The following SNX29 variants were observed in gnomAD, a reference collection of about 807,000 sequenced individuals.
The protein encoded by SNX29 is sorting nexin-29.
In SNX29, 78 loss-of-function variants were observed where a neutral mutation model predicts 102.1. The observed-to-expected ratio is 0.76, with a 90% confidence interval of 0.64 to 0.92. The LOEUF (loss-of-function observed/expected upper bound fraction) is 0.92, where lower values mean the gene tolerates loss of function less well. SNX29 is among the 40% of genes least tolerant of loss of function. The pLI is 0.00. For missense variants in SNX29, 1,280 were observed against 1,061.7 expected, an observed-to-expected ratio of 1.21 and a Z score of -2.86; for synonymous variants, 580 against 414.5, an observed-to-expected ratio of 1.40 and a Z score of -4.85.
rs1006429598 is a variant in SNX29 at position 11,983,344 on chromosome 16, G to A, written c.7+6531G>A. Among the ~76,000 whole-genome samples the A allele has an allele frequency of 3.3e-5, 5 of 150,790 alleles. No homozygotes were observed. The East Asian group carries it at 9.7e-4, about 29-fold the overall frequency. Reference sequence around the variant, plus strand: ...CTGTCTCAACCTTCCAAAGTGCTGAGATTATAGTTGTGAGCCACTGTGCCC... The same window carrying A: ...CTGTCTCAACCTTCCAAAGTGCTGAAATTATAGTTGTGAGCCACTGTGCCC... On this transcript the variant is annotated intron_variant, in intron 1 of 20. Coordinates refer to ENST00000566228, the MANE Select transcript of SNX29 (RefSeq NM_032167.5).
chr16:12,364,416 C>CTTCTTTTTTTTTTT (rs1555520124), intron 16 of SNX29, among the ~76,000 whole-genome samples: 2 of 98,778 alleles, frequency 2.0e-5, no homozygotes, highest in Admixed American at 9.4e-5. Flanking sequence ...CTCTCTTCTT[C>CTTCTTTTTTTTTTT]TTTTTTTTTT....
chr16:12,343,642 C>T (rs1259859246), intron 15 of SNX29, among the ~76,000 whole-genome samples: 1 of 152,080 alleles, frequency 6.6e-6, no homozygotes, highest in African/African-American at 2.4e-5. Context: ...AGTCTTCCTG[C>T]TGTGCCACTG....
intron 14 of SNX29, among the ~76,000 whole-genome samples, chr16:12,259,997 C>T (rs535522763): frequency 5.3e-5 from 8 of 152,304 alleles, no homozygotes; most frequent in East Asian, 3.9e-4. Flanking sequence ...TGCGCGGCCA[C>T]GTTCCTCCAG....
At chr16:12,407,583 G>C (rs1017744880) in intron 18 of SNX29, among the ~76,000 whole-genome samples, 12 of 152,188 alleles carry the variant, frequency 7.9e-5, no homozygotes, top group African/African-American at 2.7e-4. Flanking sequence ...ACAAATACCA[G>C]TATAATAATT....
chr16:12,203,997 C>T (rs2076983196), intron 14 of SNX29, among the ~76,000 whole-genome samples: 1 of 152,182 alleles, frequency 6.6e-6, no homozygotes, highest in South Asian at 2.1e-4. Flanking sequence ...GGCACCTTAC[C>T]TGGATGGCTC....
intron 16 of SNX29, among the ~76,000 whole-genome samples, chr16:12,360,146 T>C (rs1312753781): frequency 3.3e-5 from 5 of 152,238 alleles, no homozygotes; most frequent in African/African-American, 9.6e-5. Flanking sequence ...TTAACAGTAA[T>C]TTCATGATAT....
chr16:12,533,673 C>A (rs1232854006), intron 20 of SNX29, among the ~76,000 whole-genome samples: 2 of 152,124 alleles, frequency 1.3e-5, no homozygotes, highest in African/African-American at 4.8e-5. Context: ...CAATAGGCAC[C>A]CCAAATTTAC....
At chr16:12,465,902 CTTAGT>C (rs2087030157) in intron 18 of SNX29, among the ~76,000 whole-genome samples, 1 of 151,574 alleles carries the variant, frequency 6.6e-6, no homozygotes, top group African/African-American at 2.4e-5. Context: ...ATTTCACTTC[CTTAGT>C]TAAGTTTATT....
At chr16:12,249,278 C>T (rs1184568626) in intron 14 of SNX29, among the ~76,000 whole-genome samples, 3 of 152,114 alleles carry the variant, frequency 2.0e-5, no homozygotes, top group Non-Finnish European at 4.4e-5. Context: ...GGCTGCTGGC[C>T]GAGTCCTGCC....
Position 12,568,759 on chromosome 16 carries a change from AAC to A in SNX29, c.*132_*133del. On this transcript the variant is annotated 3_prime_UTR_variant, in exon 21 of 21. Coordinates refer to ENST00000566228, the MANE Select transcript of SNX29 (RefSeq NM_032167.5). Reference sequence around the variant, plus strand: ...GTGATCCTGAGAGCACACGATTCCCAACAGTTACACAACACCCCGATTAAACT... The same window carrying A: ...GTGATCCTGAGAGCACACGATTCCCAAGTTACACAACACCCCGATTAAACT... 2 of 1,359,180 alleles carry A rather than the reference AAC, an allele frequency of 1.5e-6. No individual in the cohort carries two copies. The highest frequency in any genetic ancestry group is 2.5e-5 in the Admixed American group (1 of 40,596). The allele number at this position is 1,359,180 out of a possible 1,614,324, so 84.2% of individuals were successfully genotyped here.
intron 20 of SNX29, among the ~76,000 whole-genome samples, chr16:12,540,843 C>G (rs769050027): frequency 1.1e-4 from 16 of 152,192 alleles, no homozygotes; most frequent in East Asian, 1.9e-4. Context: ...AAGATCGCCT[C>G]CACCCTTTCT....
chr16:12,243,189 G>A (rs1458786774), intron 14 of SNX29, among the ~76,000 whole-genome samples: 1 of 152,226 alleles, frequency 6.6e-6, no homozygotes, highest in Admixed American at 6.5e-5. Flanking sequence ...ACACCGATTC[G>A]TGCATGTAGT....
At chr16:12,493,727 G>A (rs897945898) in intron 19 of SNX29, among the ~76,000 whole-genome samples, 1 of 152,178 alleles carries the variant, frequency 6.6e-6, no homozygotes, top group Non-Finnish European at 1.5e-5. Flanking sequence ...AAGTAGCTGG[G>A]ACTATAGGCG....
intron 20 of SNX29, among the ~76,000 whole-genome samples, chr16:12,531,972 T>C (rs189789776): frequency 3.3e-5 from 5 of 152,134 alleles, no homozygotes; most frequent in African/African-American, 1.2e-4. Flanking sequence ...AATTAAGATG[T>C]AGCAATCACA....
intron 20 of SNX29, chr16:12,561,241 C>T (rs1000497144): frequency 3.0e-5 from 7 of 229,868 alleles, no homozygotes; most frequent in African/African-American, 1.6e-4. Context: ...AGAGCAAGGC[C>T]ACTCCCTCCC....
At chr16:12,193,548 A>G (rs886590815) in intron 13 of SNX29, among the ~76,000 whole-genome samples, 6 of 151,730 alleles carry the variant, frequency 4.0e-5, no homozygotes, top group African/African-American at 1.2e-4. Context: ...TGCTTTTAGT[A>G]TTATATCTAA....
chr16:12,440,766 T>A (rs760607662), intron 18 of SNX29, among the ~76,000 whole-genome samples: 28 of 152,318 alleles, frequency 1.8e-4, no homozygotes, highest in Non-Finnish European at 3.4e-4. Flanking sequence ...GCAAAGGACA[T>A]GATCTCGTTC....
rs185847655 is a variant in SNX29, at chr16:12,387,287, A to G, written c.1900-11159A>G. 2.1e-4 allele frequency among the ~76,000 whole-genome samples: 32 copies of G among 152,234 alleles called. 1 individual carries two copies. Among genetic ancestry groups the G allele is most frequent in the Admixed American group, 7.2e-4 (11 of 15,292 alleles). ...CCTCATCACACAACCGAATGGTCCTAGGAGAGGCCGAGAGAGAAGGCTACA... is the reference window on the plus strand; with the variant it reads ...CCTCATCACACAACCGAATGGTCCTGGGAGAGGCCGAGAGAGAAGGCTACA... On this transcript the variant is annotated intron_variant, in intron 16 of 20. Coordinates refer to ENST00000566228, the MANE Select transcript of SNX29 (RefSeq NM_032167.5).
At chr16:12,031,991 A>G (rs1488067534) in intron 4 of SNX29, among the ~76,000 whole-genome samples, 1 of 152,086 alleles carries the variant, frequency 6.6e-6, no homozygotes, top group Non-Finnish European at 1.5e-5. Flanking sequence ...AAAACTGTGT[A>G]CTTGTTAAAC....
Sources: allele counts gnomAD v4.1 joint callset (sites outside exome capture counted in the v4.1 genomes callset), GRCh38; gene constraint gnomAD v4.1.1; transcripts MANE v1.5; gene names NCBI Gene and HGNC (gene_info 2026-07-23, HGNC 2026-07-21).